The following S100A8 variants were observed in gnomAD, a reference collection of about 807,000 sequenced individuals.
S100A8 encodes S100 calcium binding protein A8, also known as protein S100-A8.
Under a neutral mutation model 4.2 loss-of-function variants are expected in S100A8, and 1 was observed. That is an observed-to-expected ratio of 0.24 (90% CI 0.08 to 1.12). The LOEUF is 1.12. Ranked by LOEUF, S100A8 falls within the 50% of genes most tolerant of loss-of-function variation. The pLI, the probability that S100A8 is intolerant of heterozygous loss-of-function variation, is 0.53. For synonymous variants in S100A8, 41 were observed against 44.7 expected (o/e 0.92, Z 0.33); for missense variants, 96 against 111.8 (o/e 0.86, Z 0.64).
At chr1:153,395,875 C>T (rs890661462), upstream of S100A8, among the ~76,000 whole-genome samples, 11 of 152,246 alleles carry the variant, frequency 7.2e-5, no homozygotes, top group East Asian at 3.8e-4. Context: ...ACCTGCCTCC[C>T]GATCCTGGTC....
the S100A8 span, among the ~76,000 whole-genome samples, chr1:153,402,298 G>A: frequency 6.6e-6 from 1 of 152,184 alleles, no homozygotes; most frequent in Admixed American, 6.5e-5. Context: ...AGCATGCTGG[G>A]GACACAGCTA....
chr1:153,417,446 A>C, the S100A8 span, among the ~76,000 whole-genome samples: 3 of 152,258 alleles, frequency 2.0e-5, no homozygotes, highest in East Asian at 5.8e-4. Context: ...CTTGTTTCTC[A>C]TTCCCAAGGG....
chr1:153,395,225 G>A (rs1171008705), upstream of S100A8, among the ~76,000 whole-genome samples: 1 of 152,102 alleles, frequency 6.6e-6, no homozygotes, highest in East Asian at 1.9e-4. Context: ...CCCTCAGGAA[G>A]CCTTCCTGGG....
At chr1:153,404,983 T>C in the S100A8 span, among the ~76,000 whole-genome samples, 1 of 151,972 alleles carries the variant, frequency 6.6e-6, no homozygotes, top group African/African-American at 2.4e-5. Flanking sequence ...GGCCAGAGTT[T>C]TGTCCTGGGC....
chr1:153,415,482 T>G, the S100A8 span, among the ~76,000 whole-genome samples: 1 of 152,134 alleles, frequency 6.6e-6, no homozygotes, highest in Admixed American at 6.5e-5. Flanking sequence ...CATCTCCTTT[T>G]CCTCACCATG....
upstream of S100A8, among the ~76,000 whole-genome samples, chr1:153,392,313 TA>T (rs1164571731): frequency 1.3e-5 from 2 of 152,216 alleles, no homozygotes; most frequent in African/African-American, 4.8e-5. Context: ...GGATGACTAC[TA>T]CTTCTTTTAA....
the S100A8 span, among the ~76,000 whole-genome samples, chr1:153,415,859 C>T: frequency 2.0e-5 from 3 of 152,162 alleles, no homozygotes; most frequent in African/African-American, 7.2e-5. Flanking sequence ...ACTTTGAGTT[C>T]CCATAGGGCA....
the S100A8 span, chr1:153,422,430 T>A: frequency 1.2e-6 from 1 of 820,478 alleles, no homozygotes; most frequent in Non-Finnish European, 1.5e-6. Context: ...GAGCAAGAAT[T>A]TACTTGATTT....
the S100A8 span, among the ~76,000 whole-genome samples, chr1:153,409,619 T>C: frequency 6.6e-6 from 1 of 152,194 alleles, no homozygotes; most frequent in African/African-American, 2.4e-5. Context: ...GCAGACCTAA[T>C]AGACATCTAC....
At chr1:153,397,366 T>A in the S100A8 span, among the ~76,000 whole-genome samples, 1 of 152,300 alleles carries the variant, frequency 6.6e-6, no homozygotes, top group East Asian at 1.9e-4. Context: ...AACCCCTGGG[T>A]GCTGGGCCCA....
chr1:153,415,837 T>C, the S100A8 span, among the ~76,000 whole-genome samples: 168 of 152,284 alleles, frequency 1.1e-3, no homozygotes, highest in African/African-American at 3.9e-3. Context: ...GTAATCCTGC[T>C]TCCCTCCCTG....
upstream of S100A8, among the ~76,000 whole-genome samples, chr1:153,393,911 T>C (rs1196860935): frequency 6.6e-6 from 1 of 152,170 alleles, no homozygotes; most frequent in Admixed American, 6.5e-5. Flanking sequence ...TCCTGAGTGG[T>C]GACCTCCTTC....
the S100A8 span, among the ~76,000 whole-genome samples, chr1:153,397,949 C>G: frequency 1.3e-5 from 2 of 152,216 alleles, no homozygotes; most frequent in Non-Finnish European, 2.9e-5. Context: ...CATCCTGGTA[C>G]AGTTTGCCCT....
chr1:153,398,423 T>TC, the S100A8 span, among the ~76,000 whole-genome samples: 2 of 152,016 alleles, frequency 1.3e-5, no homozygotes, highest in Non-Finnish European at 2.9e-5. Context: ...CTGCTATCCT[T>TC]CCCCCGGGCA....
At chr1:153,400,520 CAG>C in the S100A8 span, among the ~76,000 whole-genome samples, 16 of 152,284 alleles carry the variant, frequency 1.1e-4, no homozygotes, top group East Asian at 3.1e-3. Context: ...GTCATCAAAC[CAG>C]AGACTCCATC....
At chr1:153,391,075 C>T (rs1346406030), upstream of S100A8, 3 of 986,236 alleles carry the variant, frequency 3.0e-6, no homozygotes, top group African/African-American at 5.2e-5. Flanking sequence ...AAGAGACATG[C>T]AGGGCTGAGA....
chr1:153,398,780 G>A, the S100A8 span, among the ~76,000 whole-genome samples: 1 of 152,286 alleles, frequency 6.6e-6, no homozygotes, highest in East Asian at 1.9e-4. Context: ...TAGAAAGCAA[G>A]CATATTTACC....
chr1:153,419,388 C>G, the S100A8 span: 2 of 1,469,272 alleles, frequency 1.4e-6, no homozygotes, highest in Non-Finnish European at 1.8e-6. Flanking sequence ...CTTATTTCTT[C>G]TTCTCTTTGG....
the S100A8 span, among the ~76,000 whole-genome samples, chr1:153,406,327 T>C: frequency 2.6e-5 from 4 of 152,100 alleles, no homozygotes; most frequent in Admixed American, 6.6e-5. Context: ...CACTGAGACA[T>C]GCAGGGACAT....
Sources: allele counts gnomAD v4.1 joint callset (sites outside exome capture counted in the v4.1 genomes callset), GRCh38; gene constraint gnomAD v4.1.1; transcripts MANE v1.5; gene names NCBI Gene and HGNC (gene_info 2026-07-23, HGNC 2026-07-21).